Variants in CNTNAP2 observed in about 807,000 individuals in gnomAD.
CNTNAP2 encodes contactin associated protein 2, also known as contactin-associated protein-like 2.
In CNTNAP2, 98 loss-of-function variants were observed where a neutral mutation model predicts 155.2. That is an observed-to-expected ratio of 0.63 (90% CI 0.54 to 0.75). The LOEUF is 0.75. Ranked by LOEUF, CNTNAP2 falls within the 30% of genes least tolerant of loss-of-function variation. The probability of loss-of-function intolerance (pLI) is 0.00; values close to 1 mark genes in which losing one functional copy is unlikely to be tolerated. For missense variants in CNTNAP2, 1,727 were observed against 1,688.1 expected (o/e 1.02, Z -0.40); for synonymous variants, 651 against 631.2 (o/e 1.03, Z -0.47).
intron 15 of CNTNAP2, among the ~76,000 whole-genome samples, chr7:148,021,070 T>A (rs1227230017): frequency 2.0e-5 from 3 of 152,186 alleles, no homozygotes; most frequent in African/African-American, 7.2e-5. Context: ...TTTTTTCACC[T>A]TCTGTAGACT....
At chr7:147,425,912 A>G (rs73475113) in intron 10 of CNTNAP2, among the ~76,000 whole-genome samples, 3,153 of 152,286 alleles carry the variant, frequency 0.021, 118 homozygotes, top group African/African-American at 0.072. Flanking sequence ...TTAAAGCTCA[A>G]AAACTTCAAT....
chr7:147,158,371 G>A (rs1333789997), intron 8 of CNTNAP2, among the ~76,000 whole-genome samples: 4 of 152,016 alleles, frequency 2.6e-5, no homozygotes, highest in African/African-American at 9.7e-5. Context: ...AAAAAATTAA[G>A]TTCAACTCAT....
chr7:146,133,598 T>C (rs1465753630), intron 1 of CNTNAP2, among the ~76,000 whole-genome samples: 1 of 152,106 alleles, frequency 6.6e-6, no homozygotes, highest in African/African-American at 2.4e-5. Flanking sequence ...GTATAAGGTG[T>C]AAGGAAGGGA....
chr7:146,884,345 A>G (rs1389570641), intron 3 of CNTNAP2, among the ~76,000 whole-genome samples: 2 of 152,170 alleles, frequency 1.3e-5, no homozygotes, highest in African/African-American at 2.4e-5. Flanking sequence ...ATTTATTTGC[A>G]GGTACATTGC....
At chr7:147,457,232 G>T (rs1360787312) in intron 10 of CNTNAP2, among the ~76,000 whole-genome samples, 2 of 152,184 alleles carry the variant, frequency 1.3e-5, no homozygotes, top group African/African-American at 4.8e-5. Context: ...GTTGGAAGTT[G>T]TAAAGGAGTT....
chr7:148,097,768 T>C (rs1260177247), intron 15 of CNTNAP2, among the ~76,000 whole-genome samples: 1 of 152,212 alleles, frequency 6.6e-6, no homozygotes, highest in Non-Finnish European at 1.5e-5. Flanking sequence ...GCTCTCAAAC[T>C]GGTGGAGACA....
At chr7:147,747,531 T>C (rs556359072) in intron 13 of CNTNAP2, among the ~76,000 whole-genome samples, 1 of 152,336 alleles carries the variant, frequency 6.6e-6, no homozygotes, top group Admixed American at 6.5e-5. Context: ...ATATCTTTGC[T>C]ATTGTGAACA....
At chr7:147,903,540 A>T in intron 13 of CNTNAP2, 25 bp from the exon 14 acceptor site, 1 of 1,614,000 alleles carries the variant, frequency 6.2e-7, no homozygotes, top group Non-Finnish European at 8.5e-7. Context: ...TCTGTTTCTA[A>T]ATATACCTTT....
intron 10 of CNTNAP2, among the ~76,000 whole-genome samples, chr7:147,461,401 C>G (rs1798022796): frequency 6.6e-6 from 1 of 151,898 alleles, no homozygotes; most frequent in Non-Finnish European, 1.5e-5. Context: ...ATCCTCTAAC[C>G]AGGATCAAAT....
chr7:147,959,090 G>A (rs534600558), intron 14 of CNTNAP2, among the ~76,000 whole-genome samples: 48 of 152,112 alleles, frequency 3.2e-4, no homozygotes, highest in Admixed American at 1.7e-3. Flanking sequence ...TGGCTGTTGA[G>A]ACTTGTATTT....
intron 1 of CNTNAP2, among the ~76,000 whole-genome samples, chr7:146,134,507 T>C (rs1217206493): frequency 6.6e-5 from 10 of 151,708 alleles, no homozygotes; most frequent in Admixed American, 5.3e-4. Flanking sequence ...AAGGGAATGC[T>C]TCCAGTTTTT....
intron 16 of CNTNAP2, among the ~76,000 whole-genome samples, chr7:148,145,260 G>A (rs139481745): frequency 6.0e-4 from 91 of 152,266 alleles, no homozygotes; most frequent in African/African-American, 2.0e-3. Context: ...CTACGGCATC[G>A]TCCTGGCAAC....
chr7:147,998,297 G>A (rs1315370540), intron 15 of CNTNAP2, among the ~76,000 whole-genome samples: 2 of 151,746 alleles, frequency 1.3e-5, no homozygotes, highest in Non-Finnish European at 2.9e-5. Context: ...ATTTTTAGTA[G>A]AGACGGGGTT....
chr7:146,374,052 T>C (rs895398115), intron 1 of CNTNAP2, among the ~76,000 whole-genome samples: 2 of 152,116 alleles, frequency 1.3e-5, no homozygotes, highest in Non-Finnish European at 2.9e-5. Context: ...GGAAGGTATA[T>C]GAAATAGTTG....
In CNTNAP2 at chr7:148,415,706, A is replaced by AAAAAG; in HGVS notation, c.*90_*91insAAAAG. On this transcript the variant is annotated 3_prime_UTR_variant, in exon 24 of 24. Coordinates refer to ENST00000361727, the MANE Select transcript of CNTNAP2 (RefSeq NM_014141.6). Reference sequence around the variant, plus strand: ...AGCACCCTGCTTCATACTCTTGAGCACATCCTTAAAATATCAGCACAAGTT... The same window carrying AAAAAG: ...AGCACCCTGCTTCATACTCTTGAGCAAAAAGCATCCTTAAAATATCAGCACAAGTT... 1 of 1,439,270 alleles carries AAAAAG rather than the reference A, an allele frequency of 6.9e-7. No individual in the cohort carries two copies. The highest frequency in any genetic ancestry group is 1.4e-5 in the African/African-American group (1 of 71,030). The allele number at this position is 1,439,270 out of a possible 1,614,324, so 89.2% of individuals were successfully genotyped here.
chr7:146,168,707 A>G (rs527572926), intron 1 of CNTNAP2, among the ~76,000 whole-genome samples: 2 of 152,186 alleles, frequency 1.3e-5, no homozygotes, highest in Non-Finnish European at 2.9e-5. Context: ...CTTTCAATTC[A>G]TTATCATTTC....
chr7:147,656,477 G>C (rs77058497), intron 13 of CNTNAP2, among the ~76,000 whole-genome samples: 18,309 of 152,168 alleles, frequency 0.12, 1,432 homozygotes, highest in Middle Eastern at 0.24. Context: ...TATGAACAGG[G>C]CTAATTTCAA....
chr7:146,120,395 A>G (rs1433941522), intron 1 of CNTNAP2, among the ~76,000 whole-genome samples: 1 of 152,180 alleles, frequency 6.6e-6, no homozygotes, highest in African/African-American at 2.4e-5. Context: ...ATTTTATTAT[A>G]GGCACGGATA....
At chr7:147,079,755 T>C (rs577663041) in intron 4 of CNTNAP2, among the ~76,000 whole-genome samples, 1 of 152,152 alleles carries the variant, frequency 6.6e-6, no homozygotes, top group African/African-American at 2.4e-5. Flanking sequence ...ATCTGTGTGC[T>C]ATTAATAATT....
Sources: gnomAD v4.1 joint callset for allele counts (sites outside exome capture counted in the v4.1 genomes callset) on GRCh38, gnomAD v4.1.1 for gene constraint, MANE v1.5 for transcripts, NCBI Gene and HGNC (gene_info 2026-07-23, HGNC 2026-07-21) for gene names.